NALCN: variants seen among roughly 807,000 people sequenced by gnomAD.
NALCN encodes sodium leak channel, non-selective, also known as sodium leak channel NALCN.
NALCN carries 111 observed loss-of-function variants against 225.3 expected under a neutral mutation model. The observed-to-expected ratio is 0.49, with a 90% CI of 0.42 to 0.58. NALCN has a LOEUF of 0.58. Ranked by LOEUF, NALCN falls within the 20% of genes least tolerant of loss-of-function variation. The pLI is 0.00. For synonymous variants in NALCN, 764 were observed against 769.0 expected, an observed-to-expected ratio of 0.99 and a Z score of 0.11; for missense variants, 1,378 against 2,202.4, an observed-to-expected ratio of 0.63 and a Z score of 7.49.
At chr13:101,355,789 A>G (rs1228372749) in intron 6 of NALCN, among the ~76,000 whole-genome samples, 1 of 152,208 alleles carries the variant, frequency 6.6e-6, no homozygotes, top group African/African-American at 2.4e-5. Context: ...AATCAACCAC[A>G]TAATTGGAAG....
At chr13:101,081,393 G>T in intron 34 of NALCN, 134 bp downstream of exon 34, 1 of 1,274,778 alleles carries the variant, frequency 7.8e-7, no homozygotes, top group Non-Finnish European at 1.1e-6. Flanking sequence ...CACAGTCAAA[G>T]CTGGGCTTTA....
chr13:101,271,264 T>G, intron 10 of NALCN, among the ~76,000 whole-genome samples: 1 of 151,970 alleles, frequency 6.6e-6, no homozygotes, highest in African/African-American at 2.4e-5. Flanking sequence ...GTGTCTATTC[T>G]AAATATAATT....
At chr13:101,095,424 A>T in intron 28 of NALCN, 150 bp downstream of exon 28, 1 of 578,286 alleles carries the variant, frequency 1.7e-6, no homozygotes, top group Non-Finnish European at 2.9e-6. Flanking sequence ...CTATCTTCCA[A>T]TATAATCTAG....
chr13:101,281,336 G>A (rs1162432211), intron 10 of NALCN, among the ~76,000 whole-genome samples: 2 of 152,128 alleles, frequency 1.3e-5, no homozygotes, highest in Non-Finnish European at 2.9e-5. Flanking sequence ...TAAGCTCTAT[G>A]AGTGTGGAGA....
chr13:101,123,826 TAATGTC>T (rs2036097966), intron 18 of NALCN, among the ~76,000 whole-genome samples: 1 of 152,194 alleles, frequency 6.6e-6, no homozygotes, highest in Non-Finnish European at 1.5e-5. Context: ...GAGAATGCAT[TAATGTC>T]TATTCCTAGT....
intron 11 of NALCN, among the ~76,000 whole-genome samples, chr13:101,254,781 C>G (rs1361816326): frequency 9.1e-6 from 1 of 109,768 alleles, no homozygotes; most frequent in East Asian, 2.5e-4. Context: ...GTCCCAGCTA[C>G]TTGGGAGGCT....
At chr13:101,120,535 A>C (rs77128058) in intron 18 of NALCN, among the ~76,000 whole-genome samples, 4 of 148,426 alleles carry the variant, frequency 2.7e-5, no homozygotes, top group African/African-American at 1.0e-4. Flanking sequence ...AAAAAAAAAA[A>C]CCACTATAAA....
chr13:101,156,676 T>G (rs1206806677), intron 15 of NALCN, among the ~76,000 whole-genome samples: 1 of 152,198 alleles, frequency 6.6e-6, no homozygotes, highest in African/African-American at 2.4e-5. Flanking sequence ...TCTGATGGTA[T>G]GAACTCTGGC....
At chr13:101,109,893 A>G (rs1262271834) in intron 20 of NALCN, among the ~76,000 whole-genome samples, 1 of 152,130 alleles carries the variant, frequency 6.6e-6, no homozygotes, top group Non-Finnish European at 1.5e-5. Context: ...ACTTCATTTT[A>G]CTTTACATTA....
At chr13:101,383,216 G>A (rs1029816386) in intron 3 of NALCN, among the ~76,000 whole-genome samples, 15 of 152,134 alleles carry the variant, frequency 9.9e-5, no homozygotes, top group Non-Finnish European at 1.9e-4. Context: ...CAGGCGTCAT[G>A]CAACAACTGA....
intron 10 of NALCN, among the ~76,000 whole-genome samples, chr13:101,281,900 G>A (rs554829748): frequency 6.6e-6 from 1 of 152,098 alleles, no homozygotes; most frequent in Admixed American, 6.5e-5. Flanking sequence ...ATAGGTATAT[G>A]AAAAAGTGCA....
intron 11 of NALCN, among the ~76,000 whole-genome samples, chr13:101,248,762 T>A (rs9557602): frequency 0.34 from 52,421 of 152,110 alleles, 10,079 homozygotes; most frequent in Admixed American, 0.45. Flanking sequence ...TCTCTTCTTT[T>A]GGCTGGCTCT....
At chr13:101,368,851 CA>C (rs1278475108) in intron 6 of NALCN, 1 of 175,714 alleles carries the variant, frequency 5.7e-6, no homozygotes, top group South Asian at 9.1e-5. Flanking sequence ...GCTAAAAATA[CA>C]AAAATTACCC....
At chr13:101,297,260 T>A (rs1016598568) in intron 7 of NALCN, among the ~76,000 whole-genome samples, 3 of 152,176 alleles carry the variant, frequency 2.0e-5, no homozygotes, top group Admixed American at 2.0e-4. Context: ...ATACCTATAG[T>A]ACTATTCTAA....
chr13:101,193,785 A>AT (rs768550327), intron 13 of NALCN, among the ~76,000 whole-genome samples: 2 of 151,846 alleles, frequency 1.3e-5, no homozygotes, highest in African/African-American at 2.4e-5. Context: ...TTTTTCCTGT[A>AT]TTTTTTTTCT....
intron 7 of NALCN, among the ~76,000 whole-genome samples, chr13:101,339,365 G>A (rs974927395): frequency 2.0e-5 from 3 of 152,144 alleles, no homozygotes; most frequent in African/African-American, 7.2e-5. Flanking sequence ...TTGCAACATG[G>A]GGAGTGTGTG....
chr13:101,221,327 C>T (rs1452352944), intron 13 of NALCN, among the ~76,000 whole-genome samples: 6 of 152,108 alleles, frequency 3.9e-5, no homozygotes, highest in Admixed American at 3.3e-4. Flanking sequence ...CCATGTTGGC[C>T]AGGATGGTCT....
rs545752552 is a variant in NALCN, at chr13:101,085,060, G to A, written c.3490-1256C>T. Among the ~76,000 whole-genome samples the A allele has an allele frequency of 3.9e-5, 6 of 152,284 alleles. No homozygotes were observed. The South Asian group carries it at 1.0e-3, about 26-fold the overall frequency. On this transcript the variant is annotated intron_variant, in intron 30 of 43. Coordinates refer to ENST00000251127, the MANE Select transcript of NALCN (RefSeq NM_052867.4). ...TTAACGAGATGAAACATTTGCATGT[G>A]TGTAAATGGTGATGCTTGTATCTTC...
intron 3 of NALCN, among the ~76,000 whole-genome samples, chr13:101,390,224 A>C (rs2047106481): frequency 6.6e-6 from 1 of 152,266 alleles, no homozygotes; most frequent in African/African-American, 2.4e-5. Context: ...AGAATCACAA[A>C]ACTAGAAATA....
Sources: gnomAD v4.1 joint callset for allele counts (sites outside exome capture counted in the v4.1 genomes callset) on GRCh38, gnomAD v4.1.1 for gene constraint, MANE v1.5 for transcripts, NCBI Gene and HGNC (gene_info 2026-07-23, HGNC 2026-07-21) for gene names.